ZNF385D: variants seen among roughly 807,000 people sequenced by gnomAD.
ZNF385D encodes zinc finger protein 659.
A neutral mutation model predicts 35.8 loss-of-function variants in ZNF385D; 15 were observed. The ratio of observed to expected loss-of-function variants is 0.42; its 90% CI spans 0.28 to 0.64. The LOEUF is 0.64. Ranked by LOEUF, ZNF385D falls within the 30% of genes least tolerant of loss-of-function variation. The pLI is 0.23. For synonymous variants in ZNF385D, 212 were observed against 186.8 expected (o/e 1.13, Z -1.10); for missense variants, 474 against 494.6 (o/e 0.96, Z 0.39).
chr3:22,038,555 T>C (rs1698474177), intron 3 of ZNF385D, among the ~76,000 whole-genome samples: 1 of 152,194 alleles, frequency 6.6e-6, no homozygotes, highest in African/African-American at 2.4e-5. Flanking sequence ...ATCTACAGGC[T>C]GAAATAAAAT....
At chr3:21,660,906 C>G (rs1389853145) in intron 2 of ZNF385D, among the ~76,000 whole-genome samples, 1 of 152,208 alleles carries the variant, frequency 6.6e-6, no homozygotes, top group Non-Finnish European at 1.5e-5. Context: ...CATTCTATCA[C>G]TGGCATCTCA....
At chr3:21,792,961 C>T (rs2071991432) in intron 3 of ZNF385D, among the ~76,000 whole-genome samples, 2 of 152,114 alleles carry the variant, frequency 1.3e-5, no homozygotes, top group Admixed American at 6.5e-5. Flanking sequence ...ATGGACCCTC[C>T]TCAGGAAAAT....
intron 4 of ZNF385D, among the ~76,000 whole-genome samples, chr3:21,443,779 T>A (rs573191103): frequency 2.9e-4 from 44 of 152,218 alleles, no homozygotes; most frequent in African/African-American, 1.0e-3. Context: ...CTTTCTACCT[T>A]TACATTATTT....
chr3:21,720,029 T>C (rs1459570910), intron 1 of ZNF385D, among the ~76,000 whole-genome samples: 2 of 152,150 alleles, frequency 1.3e-5, no homozygotes, highest in Non-Finnish European at 2.9e-5. Flanking sequence ...TTGTGAAACT[T>C]AGCTGCGCAC....
intron 3 of ZNF385D, among the ~76,000 whole-genome samples, chr3:21,778,845 C>A (rs62237779): frequency 0.015 from 2,225 of 151,904 alleles, 36 homozygotes; most frequent in South Asian, 0.034. Flanking sequence ...GATGAAAAGA[C>A]TATTTTAATG....
chr3:22,126,662 T>A lies in ZNF385D; in HGVS notation c.325+42155A>T, dbSNP rs533816448. ...AGAAAAAATGTGTATTCTGCAGCCA[T>A]TGGATGAAATGTTCTGTAGATATAT... On this transcript the variant is annotated intron_variant, in intron 3 of 5. Transcript: ENST00000494108. Among the ~76,000 whole-genome samples the A allele has an allele frequency of 8.5e-5, 13 of 152,254 alleles. No homozygotes were observed. In the South Asian group the frequency reaches 2.5e-3, roughly 29 times the overall value.
At chr3:22,367,614 G>A (rs1293800569) in intron 2 of ZNF385D, among the ~76,000 whole-genome samples, 1 of 150,788 alleles carries the variant, frequency 6.6e-6, no homozygotes, top group Non-Finnish European at 1.5e-5. Context: ...TTTTCAGAAT[G>A]CCTTCTGGAG....
chr3:21,595,998 A>G (rs1336675657), intron 2 of ZNF385D, among the ~76,000 whole-genome samples: 1 of 152,250 alleles, frequency 6.6e-6, no homozygotes, highest in Non-Finnish European at 1.5e-5. Context: ...AAGCACAAGT[A>G]TCAATGCAAT....
rs183503386 is a variant in ZNF385D, at chr3:21,460,567, T to C, written c.440-23364A>G. ...TCAGCTTGGAAATGAAATCTTTCTA[T>C]ATAATCTCATGATAAAGCTACAATG... On this transcript the variant is annotated intron_variant, in intron 4 of 7. Coordinates refer to ENST00000281523, the MANE Select transcript of ZNF385D (RefSeq NM_024697.3). Among the ~76,000 whole-genome samples, 36 of 152,316 alleles carry C rather than the reference T, an allele frequency of 2.4e-4. 1 individual carries two copies. In the East Asian group the frequency reaches 6.0e-3, roughly 25 times the overall value.
chr3:21,832,808 G>C (rs1192286632), intron 3 of ZNF385D, among the ~76,000 whole-genome samples: 1 of 152,106 alleles, frequency 6.6e-6, no homozygotes, highest in Non-Finnish European at 1.5e-5. Flanking sequence ...AAGTTTACCT[G>C]ATTCTATGAG....
At chr3:22,180,102 G>T (rs1425595150) in intron 2 of ZNF385D, among the ~76,000 whole-genome samples, 4 of 152,050 alleles carry the variant, frequency 2.6e-5, no homozygotes, top group Admixed American at 6.6e-5. Flanking sequence ...TGATAAAGGG[G>T]ATATAACCAC....
intron 2 of ZNF385D, among the ~76,000 whole-genome samples, chr3:22,216,392 C>T (rs11921494): frequency 0.36 from 54,092 of 151,700 alleles, 10,002 homozygotes; most frequent in African/African-American, 0.44. Context: ...ACTGAAAGCC[C>T]CTTTCATTTT....
At chr3:21,639,213 T>C (rs1454949905) in intron 2 of ZNF385D, among the ~76,000 whole-genome samples, 1 of 152,050 alleles carries the variant, frequency 6.6e-6, no homozygotes. Context: ...TTATTTTTTT[T>C]CCAGAGCAGT....
At chr3:22,069,809 A>G (rs1460078292) in intron 3 of ZNF385D, among the ~76,000 whole-genome samples, 9 of 152,092 alleles carry the variant, frequency 5.9e-5, no homozygotes, top group African/African-American at 2.2e-4. Flanking sequence ...GTCCCATGAA[A>G]TAGTCAGACC....
Position 22,275,900 on chromosome 3 carries a change from C to A in ZNF385D, c.106+96550G>T, listed in dbSNP as rs1348614237. The stretch of plus-strand genomic sequence containing the variant: ...AGGAGTTCGAGACCAGCCTGAACAA[C>A]ATGGCGAAACCCCATCTCTACTAAA... On this transcript the variant is annotated intron_variant, in intron 2 of 5. Coordinates refer to the ZNF385D transcript ENST00000494108. Among the ~76,000 whole-genome samples, 6 of 152,080 alleles carry A rather than the reference C, an allele frequency of 3.9e-5. 1 individual carries two copies. The highest frequency in any genetic ancestry group is 3.9e-4 in the Admixed American group (6 of 15,254).
At chr3:21,639,551 A>C (rs1640148552) in intron 2 of ZNF385D, among the ~76,000 whole-genome samples, 1 of 152,092 alleles carries the variant, frequency 6.6e-6, no homozygotes, top group African/African-American at 2.4e-5. Flanking sequence ...ATGACAATAT[A>C]AAATACAATT....
intron 3 of ZNF385D, among the ~76,000 whole-genome samples, chr3:22,019,906 A>C (rs907282572): frequency 3.3e-5 from 5 of 151,920 alleles, no homozygotes; most frequent in African/African-American, 1.2e-4. Context: ...TAGTTCACTT[A>C]TTTATTTAAA....
At chr3:22,073,931 T>G (rs947303531) in intron 3 of ZNF385D, among the ~76,000 whole-genome samples, 1 of 151,990 alleles carries the variant, frequency 6.6e-6, no homozygotes, top group African/African-American at 2.4e-5. Flanking sequence ...GCAGTTTATC[T>G]TCATGTATTA....
intron 2 of ZNF385D, among the ~76,000 whole-genome samples, chr3:22,188,739 C>T (rs1332722442): frequency 6.6e-6 from 1 of 152,126 alleles, no homozygotes. Context: ...CATGAGCCAC[C>T]GCGCCCAGCC....
Sources: gnomAD v4.1 joint callset for allele counts (sites outside exome capture counted in the v4.1 genomes callset) on GRCh38, gnomAD v4.1.1 for gene constraint, MANE v1.5 for transcripts, NCBI Gene and HGNC (gene_info 2026-07-23, HGNC 2026-07-21) for gene names.